Variants in EEFSEC observed in about 807,000 individuals in gnomAD.
The protein encoded by EEFSEC is selenocysteine-specific elongation factor.
In EEFSEC, 43 loss-of-function variants were observed where a neutral mutation model predicts 42.1. That is an observed-to-expected ratio of 1.02 (90% confidence interval 0.80 to 1.32). The LOEUF (loss-of-function observed/expected upper bound fraction) is 1.32, where lower values mean the gene tolerates loss of function less well. Ranked by LOEUF, EEFSEC falls within the 40% of genes most tolerant of loss-of-function variation. EEFSEC has a pLI of 0.00. For missense variants in EEFSEC, 745 were observed against 803.6 expected (o/e 0.93, Z 0.88); for synonymous variants, 354 against 339.1 (o/e 1.04, Z -0.48).
At chr3:128,394,316 C>T (rs951306298) in intron 6 of EEFSEC, among the ~76,000 whole-genome samples, 2 of 152,298 alleles carry the variant, frequency 1.3e-5, no homozygotes, top group South Asian at 2.1e-4. Flanking sequence ...CCAGCACCGC[C>T]GCCTGCCCAC....
chr3:128,164,997 G>A (rs1255569171), intron 1 of EEFSEC, among the ~76,000 whole-genome samples: 1 of 152,234 alleles, frequency 6.6e-6, no homozygotes, highest in Non-Finnish European at 1.5e-5. Flanking sequence ...GGGAAAGTGG[G>A]GCTCTGGGGT....
At chr3:128,424,616 C>A in the EEFSEC span, among the ~76,000 whole-genome samples, 6 of 152,072 alleles carry the variant, frequency 3.9e-5, no homozygotes, top group Non-Finnish European at 8.8e-5. Flanking sequence ...AACTCCTGTC[C>A]TCAAGTGATC....
At chr3:128,395,704 C>T (rs975710174) in intron 6 of EEFSEC, among the ~76,000 whole-genome samples, 2 of 152,196 alleles carry the variant, frequency 1.3e-5, no homozygotes, top group Non-Finnish European at 2.9e-5. Flanking sequence ...CCAGCACACC[C>T]AGGCCAATCA....
At chr3:128,253,288 G>A (rs1180355977) in intron 2 of EEFSEC, among the ~76,000 whole-genome samples, 1 of 152,230 alleles carries the variant, frequency 6.6e-6, no homozygotes, top group African/African-American at 2.4e-5. Context: ...CAGAGCCAGT[G>A]TACATGGCTT....
At chr3:128,260,119 G>C (rs1453969051) in intron 2 of EEFSEC, among the ~76,000 whole-genome samples, 2 of 149,880 alleles carry the variant, frequency 1.3e-5, no homozygotes, top group African/African-American at 4.9e-5. Flanking sequence ...AAAATTCTTG[G>C]TTGGTAGATT....
intron 1 of EEFSEC, among the ~76,000 whole-genome samples, chr3:128,158,853 CT>C (rs1944424839): frequency 6.6e-6 from 1 of 152,236 alleles, no homozygotes; most frequent in South Asian, 2.1e-4. Context: ...AGTTTCAGCA[CT>C]TGCCTGGTCC....
intron 6 of EEFSEC, among the ~76,000 whole-genome samples, chr3:128,363,387 A>G (rs2067552098): frequency 6.6e-6 from 1 of 152,164 alleles, no homozygotes; most frequent in African/African-American, 2.4e-5. Context: ...CTCACTCTCA[A>G]CCACTCTGCT....
At chr3:128,164,684 A>G (rs544484343) in intron 1 of EEFSEC, among the ~76,000 whole-genome samples, 1 of 152,302 alleles carries the variant, frequency 6.6e-6, no homozygotes, top group South Asian at 2.1e-4. Context: ...TAGAGGACTC[A>G]GAGTAAACAA....
At chr3:128,371,583 T>TCTGG (rs2067654162) in intron 6 of EEFSEC, among the ~76,000 whole-genome samples, 1 of 152,078 alleles carries the variant, frequency 6.6e-6, no homozygotes. Context: ...GAAAGCTCTG[T>TCTGG]CTGGCAGCTG....
chr3:128,200,349 C>T (rs1206501215), intron 1 of EEFSEC, among the ~76,000 whole-genome samples: 1 of 151,976 alleles, frequency 6.6e-6, no homozygotes, highest in Non-Finnish European at 1.5e-5. Flanking sequence ...AGTGCAATGG[C>T]GCGATCTTGG....
At chr3:128,198,797 T>C (rs1241402753) in intron 1 of EEFSEC, among the ~76,000 whole-genome samples, 1 of 152,086 alleles carries the variant, frequency 6.6e-6, no homozygotes, top group African/African-American at 2.4e-5. Flanking sequence ...AGACATTTTT[T>C]CATATGTGTG....
intron 1 of EEFSEC, among the ~76,000 whole-genome samples, chr3:128,173,647 T>G (rs1576517610): frequency 6.6e-6 from 1 of 152,242 alleles, no homozygotes; most frequent in Non-Finnish European, 1.5e-5. Flanking sequence ...TTTATTTCCC[T>G]TCTCCTTATC....
intron 5 of EEFSEC, among the ~76,000 whole-genome samples, chr3:128,354,617 C>T (rs1415018968): frequency 1.3e-5 from 2 of 152,224 alleles, no homozygotes; most frequent in Non-Finnish European, 2.9e-5. Context: ...GGGGTCATCT[C>T]TGTCTGGCAT....
chr3:128,250,549 A>C (rs952413357), intron 2 of EEFSEC, among the ~76,000 whole-genome samples: 2 of 152,170 alleles, frequency 1.3e-5, no homozygotes, highest in African/African-American at 4.8e-5. Flanking sequence ...GATTGACCAT[A>C]TATGTGTGGG....
At chr3:128,325,336 A>G (rs758263762) in intron 4 of EEFSEC, among the ~76,000 whole-genome samples, 1 of 152,224 alleles carries the variant, frequency 6.6e-6, no homozygotes, top group African/African-American at 2.4e-5. Context: ...GCTGTGGCCA[A>G]ATGAGCTCCC....
intron 4 of EEFSEC, among the ~76,000 whole-genome samples, chr3:128,327,290 ATCC>A (rs1263813230): frequency 4.0e-5 from 3 of 74,384 alleles, no homozygotes; most frequent in Admixed American, 2.8e-4. Flanking sequence ...CACTTTTCCC[ATCC>A]CCCCCCCCCC....
chr3:128,228,506 T>C (rs1166413120), intron 1 of EEFSEC, among the ~76,000 whole-genome samples: 1 of 152,060 alleles, frequency 6.6e-6, no homozygotes, highest in Admixed American at 6.6e-5. Context: ...GGTGTGAGGC[T>C]GTCAGGTGGT....
In EEFSEC at chr3:128,408,467, C is replaced by T. The variant is rs541521819; in HGVS notation, c.*208C>T. On this transcript the variant is annotated 3_prime_UTR_variant, in exon 7 of 7. Transcript: ENST00000254730. ...AGGAGGGTCTCTCCTCCAGCCCCTGCACACTCCCACCCAGGACAGCCCCCA... is the reference window on the plus strand; with the variant it reads ...AGGAGGGTCTCTCCTCCAGCCCCTGTACACTCCCACCCAGGACAGCCCCCA... 14 of 491,868 alleles carry T rather than the reference C, an allele frequency of 2.8e-5. No individual in the cohort carries two copies. In the East Asian group the frequency reaches 4.2e-4, roughly 15 times the overall value. The allele number at this position is 491,868 out of a possible 1,614,324, so 30.5% of individuals were successfully genotyped here.
At chr3:128,240,130 C>T (rs190550143) in intron 1 of EEFSEC, among the ~76,000 whole-genome samples, 4 of 152,342 alleles carry the variant, frequency 2.6e-5, no homozygotes, top group South Asian at 2.1e-4. Context: ...GACCGCCCTC[C>T]TTCTCTCCTC....
Sources: allele counts gnomAD v4.1 joint callset (sites outside exome capture counted in the v4.1 genomes callset), GRCh38; gene constraint gnomAD v4.1.1; transcripts MANE v1.5; gene names NCBI Gene and HGNC (gene_info 2026-07-23, HGNC 2026-07-21).